Variants in RB1 observed in about 807,000 individuals in gnomAD.
RB1 encodes RB transcriptional corepressor 1.
A neutral mutation model predicts 135.4 loss-of-function variants in RB1; 18 were observed. That is an observed-to-expected ratio of 0.13 (90% CI 0.09 to 0.20). The LOEUF (loss-of-function observed/expected upper bound fraction) is 0.20, where lower values mean the gene tolerates loss of function less well. Ranked by LOEUF, RB1 falls within the 10% of genes least tolerant of loss-of-function variation. The pLI is 1.00. For synonymous variants in RB1, 365 were observed against 373.2 expected (o/e 0.98, Z 0.25); for missense variants, 868 against 1,110.0 (o/e 0.78, Z 3.10).
intron 20 of RB1, among the ~76,000 whole-genome samples, chr13:48,460,339 T>C (rs1949397138): frequency 6.6e-6 from 1 of 152,152 alleles, no homozygotes; most frequent in African/African-American, 2.4e-5. Context: ...AGACTTAATA[T>C]ATGTTCACTT....
chr13:48,439,432 TA>T lies in RB1; in HGVS notation c.1696-13559del, dbSNP rs4151568. Among the ~76,000 whole-genome samples the T allele has an allele frequency of 8.2e-3, 1,254 of 152,266 alleles. 15 individuals carry two copies. The highest frequency in any genetic ancestry group is 0.029 in the African/African-American group (1,197 of 41,548). On this transcript the variant is annotated intron_variant, in intron 17 of 26. Transcript: ENST00000267163. ...GTATAAGGTAATGACTTTGAATCAT[TA>T]ATCATAGTTATCGAAATCAGGCATG...
chr13:48,359,446 A>G (rs1188930550), intron 6 of RB1, among the ~76,000 whole-genome samples: 1 of 148,746 alleles, frequency 6.7e-6, no homozygotes, highest in Non-Finnish European at 1.5e-5. Context: ...TAAATAAAAT[A>G]ATTATTTTAA....
At chr13:48,348,737 A>G (rs1952520300) in intron 5 of RB1, among the ~76,000 whole-genome samples, 1 of 151,100 alleles carries the variant, frequency 6.6e-6, no homozygotes, top group Non-Finnish European at 1.5e-5. Context: ...TGGGCTAAAT[A>G]TCATATCTTA....
intron 2 of RB1, chr13:48,320,315 G>T: frequency 8.1e-7 from 1 of 1,239,400 alleles, no homozygotes; most frequent in Non-Finnish European, 1.2e-6. Context: ...CTGCGCTGCA[G>T]CGTGCTGATG....
intron 17 of RB1, among the ~76,000 whole-genome samples, chr13:48,439,235 A>T (rs571808527): frequency 3.4e-4 from 52 of 152,328 alleles, no homozygotes; most frequent in Non-Finnish European, 5.9e-4. Context: ...TATCTACTTT[A>T]TGGACGTATT....
intron 9 of RB1, among the ~76,000 whole-genome samples, chr13:48,365,499 C>T (rs992071088): frequency 1.3e-5 from 2 of 152,028 alleles, no homozygotes; most frequent in South Asian, 2.1e-4. Context: ...TGTTTTGTTT[C>T]GCATTTTGCT....
At chr13:48,470,644 A>G (rs1404628509) in intron 23 of RB1, among the ~76,000 whole-genome samples, 1 of 20,536 alleles carries the variant, frequency 4.9e-5, no homozygotes, top group African/African-American at 7.4e-5. Flanking sequence ...ACATGGGAGA[A>G]AATTTTCGCA....
At chr13:48,345,730 T>C (rs1001716533) in intron 4 of RB1, among the ~76,000 whole-genome samples, 1 of 152,198 alleles carries the variant, frequency 6.6e-6, no homozygotes, top group Non-Finnish European at 1.5e-5. Context: ...CCCCAAATGT[T>C]TCAGCCCTTA....
At chr13:48,359,904 C>T in intron 6 of RB1, 113 bp from the exon 7 acceptor site, 1 of 1,388,828 alleles carries the variant, frequency 7.2e-7, no homozygotes, top group Non-Finnish European at 9.6e-7. Flanking sequence ...CTTTACCATG[C>T]TGATAGTGAT....
At chr13:48,322,539 G>A (rs1952250841) in intron 2 of RB1, among the ~76,000 whole-genome samples, 1 of 152,016 alleles carries the variant, frequency 6.6e-6, no homozygotes, top group South Asian at 2.1e-4. Context: ...TTGCCTAATT[G>A]CTTTGTCTAA....
intron 21 of RB1, among the ~76,000 whole-genome samples, 160 bp downstream of exon 21, chr13:48,463,995 A>G (rs948779218): frequency 6.6e-6 from 1 of 152,178 alleles, no homozygotes; most frequent in Non-Finnish European, 1.5e-5. Flanking sequence ...TTTATTTGTA[A>G]CTTAAATAGA....
Position 48,459,968 on chromosome 13 carries a change from TC to T in RB1, c.2106+136del, listed in dbSNP as rs1238513818. 1.8e-4 allele frequency: 67 copies of T among 381,706 alleles called. 11 individuals carry two copies. The African/African-American group carries it at 3.0e-3, about 17-fold the overall frequency. The allele number at this position is 381,706 out of a possible 1,614,324, so 23.6% of individuals were successfully genotyped here. On this transcript the variant is annotated intron_variant, in intron 20 of 26. Transcript: ENST00000267163. ...TTCTTTCTTTTTCTTTCTTTCTTTCTCTCTTTCTTTCTTTTTTTTGAGATAG... is the reference window on the plus strand; with the variant it reads ...TTCTTTCTTTTTCTTTCTTTCTTTCTTCTTTCTTTCTTTTTTTTGAGATAG...
chr13:48,373,068 T>C (rs1952778458), intron 11 of RB1, among the ~76,000 whole-genome samples: 1 of 152,222 alleles, frequency 6.6e-6, no homozygotes, highest in African/African-American at 2.4e-5. Flanking sequence ...TAATATTTGG[T>C]TGTAATAATG....
At chr13:48,405,708 C>T (rs1276619759) in intron 17 of RB1, among the ~76,000 whole-genome samples, 2 of 152,166 alleles carry the variant, frequency 1.3e-5, no homozygotes, top group Admixed American at 6.5e-5. Flanking sequence ...TAACATGTTT[C>T]CCAAAGTCGT....
chr13:48,425,409 A>G (rs1430208262), intron 17 of RB1, among the ~76,000 whole-genome samples: 1 of 152,234 alleles, frequency 6.6e-6, no homozygotes, highest in Non-Finnish European at 1.5e-5. Context: ...CATACAATAT[A>G]TGCCTTGTGG....
chr13:48,389,790 A>G (rs1270589349), intron 17 of RB1: 1 of 152,160 alleles, frequency 6.6e-6, no homozygotes, highest in Admixed American at 6.6e-5. Flanking sequence ...AGTGGTTAGA[A>G]TGTTAAGCTT....
chr13:48,317,749 C>A, intron 2 of RB1: 1 of 431,224 alleles, frequency 2.3e-6, no homozygotes, highest in South Asian at 2.5e-5. Context: ...GTCGGCTGTG[C>A]CCTGTGCTCC....
intron 23 of RB1, 40 bp downstream of exon 23, chr13:48,465,408 G>A (rs2138346449): frequency 6.6e-7 from 1 of 1,516,488 alleles, no homozygotes; most frequent in Non-Finnish European, 9.2e-7. Context: ...AAGAATGAGA[G>A]GGGGATTATT....
At chr13:48,333,126 A>G (rs2138071052) in intron 2 of RB1, 1 of 398,096 alleles carries the variant, frequency 2.5e-6, no homozygotes, top group African/African-American at 2.1e-5. Flanking sequence ...TATTGTATAG[A>G]TGTATCAAAA....
Sources: gnomAD v4.1 joint callset for allele counts (sites outside exome capture counted in the v4.1 genomes callset) on GRCh38, gnomAD v4.1.1 for gene constraint, MANE v1.5 for transcripts, NCBI Gene and HGNC (gene_info 2026-07-23, HGNC 2026-07-21) for gene names.